Variants in FMOD observed in about 807,000 individuals in gnomAD.
The protein encoded by FMOD is KSPG fibromodulin.
Under a neutral mutation model 27.0 loss-of-function variants are expected in FMOD, and 15 were observed. The observed-to-expected ratio is 0.55, with a 90% CI of 0.37 to 0.85. The LOEUF (loss-of-function observed/expected upper bound fraction) is 0.85. Ranked by LOEUF, FMOD falls within the 40% of genes least tolerant of loss-of-function variation. The probability of loss-of-function intolerance (pLI) is 0.00; values close to 1 mark genes in which losing one functional copy is unlikely to be tolerated. For synonymous variants in FMOD, 210 were observed against 214.0 expected, an observed-to-expected ratio of 0.98 and a Z score of 0.16; for missense variants, 460 against 483.2, an observed-to-expected ratio of 0.95 and a Z score of 0.45.
chr1:203,347,179 G>T lies in FMOD; in HGVS notation c.979+113C>A, dbSNP rs980255200. ...GCTTGGTTGTCAGGTTGCTTCATTT[G>T]TGCTGTCTGGTTCCCCTATTTCTAT... On this transcript the variant is annotated intron_variant, in intron 2 of 2. Coordinates refer to ENST00000354955, the MANE Select transcript of FMOD (RefSeq NM_002023.5). 9.2e-6 allele frequency: 12 copies of T among 1,305,774 alleles called. No homozygotes were observed. The East Asian group carries it at 9.4e-5, about 10-fold the overall frequency. The allele number at this position is 1,305,774 out of a possible 1,614,324, so 80.9% of individuals were successfully genotyped here.
In FMOD at chr1:203,342,336, G is replaced by A; in HGVS notation, c.*7C>T. On this transcript the variant is annotated 3_prime_UTR_variant, in exon 3 of 3. Transcript: ENST00000354955. ...GCTCTCCGCCCAGTACCCGGTGCCAGGGCTGCTCAGATCTCGATGAGGCTG... is the reference window on the plus strand; with the variant it reads ...GCTCTCCGCCCAGTACCCGGTGCCAAGGCTGCTCAGATCTCGATGAGGCTG... 1 of 1,609,960 alleles carries A rather than the reference G, an allele frequency of 6.2e-7. No homozygotes were observed.
intron 1 of FMOD, among the ~76,000 whole-genome samples, chr1:203,349,159 T>A (rs1189796116): frequency 6.6e-6 from 1 of 152,224 alleles, no homozygotes; most frequent in African/African-American, 2.4e-5. Context: ...GCACTCCTCA[T>A]GCTCCACCAT....
At chr1:203,349,764 C>T (rs1658959662) in intron 1 of FMOD, among the ~76,000 whole-genome samples, 1 of 152,220 alleles carries the variant, frequency 6.6e-6, no homozygotes, top group South Asian at 2.1e-4. Flanking sequence ...AACAGAGTTA[C>T]CTCCTGACCA....
At position 203,347,468 on chromosome 1, in the gene FMOD, G is replaced by T; in HGVS notation, c.803C>A (p.Pro268His). ...GGACAGCCGCACATACAGCAGCTTG[G>T]GCGCCCCCCGGAAGTAGCTATCGGG... ...TVPDSYFRGA[P>H]KLLYVRLSHN... The change falls in exon 2 of 3, where the codon CCC becomes CAC. Residue 268 changes from proline to histidine, a missense_variant. Coordinates refer to ENST00000354955, the MANE Select transcript of FMOD (RefSeq NM_002023.5). 1 of 1,614,176 alleles carries T rather than the reference G, an allele frequency of 6.2e-7. No homozygotes were observed. Among genetic ancestry groups the T allele is most frequent in the East Asian group, 2.2e-5 (1 of 44,888 alleles).
rs373120646 is a variant in FMOD at position 203,346,665 on chromosome 1, G to A, written c.979+627C>T. The stretch of plus-strand genomic sequence containing the variant: ...CTGACCAGAACAAGTGCCGCATTCA[G>A]CTCTGAGAATAAACACCAAAACACA... On this transcript the variant is annotated intron_variant, in intron 2 of 2. Coordinates refer to ENST00000354955, the MANE Select transcript of FMOD (RefSeq NM_002023.5). Among the ~76,000 whole-genome samples, 26 of 152,196 alleles carry A rather than the reference G, an allele frequency of 1.7e-4. No homozygotes were observed. In the South Asian group the frequency reaches 5.2e-3, roughly 30 times the overall value.
chr1:203,343,020 T>C (rs1428204882), intron 2 of FMOD, among the ~76,000 whole-genome samples: 1 of 152,104 alleles, frequency 6.6e-6, no homozygotes, highest in African/African-American at 2.4e-5. Context: ...ACAAGTGTCT[T>C]TGTGTGCCAG....
At chr1:203,342,843 G>A (rs1194056952) in intron 2 of FMOD, among the ~76,000 whole-genome samples, 4 of 152,060 alleles carry the variant, frequency 2.6e-5, no homozygotes, top group Non-Finnish European at 5.9e-5. Flanking sequence ...GGAAGCAGAG[G>A]GTAGCCAAAG....
At chr1:203,348,318 G>C in intron 1 of FMOD, 41 bp from the exon 2 acceptor site, 1 of 1,581,070 alleles carries the variant, frequency 6.3e-7, no homozygotes, top group Non-Finnish European at 8.6e-7. Flanking sequence ...CAGCATGAGT[G>C]AGACTCCACA....
intron 2 of FMOD, among the ~76,000 whole-genome samples, chr1:203,346,535 T>C (rs1440505605): frequency 2.0e-5 from 3 of 150,832 alleles, no homozygotes; most frequent in African/African-American, 7.3e-5. Context: ...GAAGTGCTTA[T>C]GAAACAGGAA....
Position 203,347,702 on chromosome 1 carries a change from C to T in FMOD, c.569G>A (p.Arg190Gln), listed in dbSNP as rs548236044. 1.1e-5 allele frequency: 18 copies of T among 1,614,060 alleles called. No individual in the cohort carries two copies. Among genetic ancestry groups the T allele is most frequent in the South Asian group, 6.6e-5 (6 of 91,076 alleles). The change falls in exon 2 of 3, where the codon CGG (arginine) becomes CAG (glutamine). Residue 190 changes from arginine (R) to glutamine (Q), a missense_variant. By Grantham distance (43) the Arg-to-Gln change is conservative. Coordinates refer to ENST00000354955, the MANE Select transcript of FMOD (RefSeq NM_002023.5). ...ELHLDHNQISRVPNNALEGLE... is the reference protein window; with the variant it reads ...ELHLDHNQISQVPNNALEGLE... ...CCCCTCCAGAGCATTGTTGGGGACC[C>T]GTGAGATCTGGTTGTGGTCGAGATG...
intron 2 of FMOD, among the ~76,000 whole-genome samples, chr1:203,342,710 C>T (rs1026075908): frequency 1.5e-4 from 23 of 152,120 alleles, no homozygotes; most frequent in African/African-American, 5.6e-4. Flanking sequence ...CAGCTCACCT[C>T]CTAACCACCA....
At chr1:203,350,645 A>G (rs1658975945) in intron 1 of FMOD, among the ~76,000 whole-genome samples, 1 of 152,114 alleles carries the variant, frequency 6.6e-6, no homozygotes, top group South Asian at 2.1e-4. Context: ...AATAGCATTT[A>G]TGTACCAAAC....
chr1:203,345,830 G>A (rs1474671829), intron 2 of FMOD, among the ~76,000 whole-genome samples: 6 of 149,910 alleles, frequency 4.0e-5, no homozygotes, highest in African/African-American at 1.2e-4. Context: ...CCCAGGAGGC[G>A]GAGTTTGCAG....
intron 2 of FMOD, among the ~76,000 whole-genome samples, chr1:203,345,407 A>G (rs1389160597): frequency 6.6e-6 from 1 of 152,186 alleles, no homozygotes; most frequent in African/African-American, 2.4e-5. Context: ...GGTAGGTGCT[A>G]ATAGATTCTT....
chr1:203,341,395 A>T lies in FMOD; in HGVS notation c.*948T>A, dbSNP rs1333874649. ...CCATGTGGCCGCTACCTTTGTGGAT[A>T]AAAACCCAGGTAGGATGCTGTTTGG... On this transcript the variant is annotated 3_prime_UTR_variant, in exon 3 of 3. Coordinates refer to ENST00000354955, the MANE Select transcript of FMOD (RefSeq NM_002023.5). 1.3e-5 allele frequency: 2 copies of T among 152,186 alleles called. No homozygotes were observed. Among genetic ancestry groups the T allele is most frequent in the Admixed American group, 6.5e-5 (1 of 15,278 alleles). 9.4% of individuals were successfully genotyped at this position (152,186 alleles called of 1,614,324 possible).
At chr1:203,346,815 T>G (rs892986343) in intron 2 of FMOD, among the ~76,000 whole-genome samples, 1 of 152,166 alleles carries the variant, frequency 6.6e-6, no homozygotes, top group Admixed American at 6.5e-5. Context: ...AAGCTAAACT[T>G]AAATCTCCCT....
intron 1 of FMOD, among the ~76,000 whole-genome samples, chr1:203,349,524 C>T (rs1455546415): frequency 6.6e-6 from 1 of 152,142 alleles, no homozygotes; most frequent in Non-Finnish European, 1.5e-5. Context: ...CCCTGGTTAC[C>T]TATAGCCAAT....
At chr1:203,349,327 G>C (rs1042159748) in intron 1 of FMOD, among the ~76,000 whole-genome samples, 1 of 152,200 alleles carries the variant, frequency 6.6e-6, no homozygotes, top group South Asian at 2.1e-4. Context: ...TGCTCCCAGC[G>C]ATGACACCTA....
Position 203,347,751 on chromosome 1 carries a change from G to A in FMOD, c.520C>T (p.Leu174=), listed in dbSNP as rs753125407. ...HNNLTRMPGP[L]PRSLRELHLD... ...TGGAGCTCTCTCAGGGATCGAGGCA[G>A]GGGACCGGGCATCCGGGTCAGGTTG... Residue 174 remains leucine, a synonymous_variant, in exon 2 of 3, where the codon CTG becomes TTG. Coordinates refer to ENST00000354955, the MANE Select transcript of FMOD (RefSeq NM_002023.5). 3.7e-6 allele frequency: 6 copies of A among 1,613,888 alleles called. No individual in the cohort carries two copies. Among genetic ancestry groups the A allele is most frequent in the Admixed American group, 3.3e-5 (2 of 60,018 alleles).
Sources: allele counts gnomAD v4.1 joint callset (sites outside exome capture counted in the v4.1 genomes callset), GRCh38; gene constraint gnomAD v4.1.1; transcripts MANE v1.5; gene names NCBI Gene and HGNC (gene_info 2026-07-23, HGNC 2026-07-21).